CHD6: variants seen among roughly 807,000 people sequenced by gnomAD.
CHD6 encodes the protein chromodomain helicase DNA binding protein 6.
A neutral mutation model predicts 276.9 loss-of-function variants in CHD6; 50 were observed. The observed-to-expected ratio is 0.18, with a 90% CI of 0.14 to 0.23. CHD6 has a LOEUF of 0.23. Among genes scored for constraint, CHD6 ranks in the 10% least tolerant of loss-of-function variants. CHD6 has a pLI of 1.00. For synonymous variants in CHD6, 1,173 were observed against 1,229.3 expected, an observed-to-expected ratio of 0.95 and a Z score of 0.96; for missense variants, 2,564 against 3,365.8, an observed-to-expected ratio of 0.76 and a Z score of 5.89.
chr20:41,614,009 T>C (rs931227226), intron 1 of CHD6, among the ~76,000 whole-genome samples: 26 of 131,122 alleles, frequency 2.0e-4, no homozygotes, highest in African/African-American at 7.0e-4. Context: ...TCTTAGAGTA[T>C]AAAAAAAAAA....
chr20:41,514,670 C>A, intron 4 of CHD6, 135 bp downstream of exon 4: 2 of 944,448 alleles, frequency 2.1e-6, no homozygotes, highest in East Asian at 2.5e-5. Flanking sequence ...CCTGCTCACC[C>A]ACCAAAACGG....
intron 1 of CHD6, among the ~76,000 whole-genome samples, chr20:41,553,038 A>T (rs1443897092): frequency 6.6e-6 from 1 of 152,236 alleles, no homozygotes. Context: ...TTAGAAAAAA[A>T]TTATCTCCTA....
chr20:41,593,376 G>C (rs1048410722), intron 1 of CHD6, among the ~76,000 whole-genome samples: 45 of 152,122 alleles, frequency 3.0e-4, no homozygotes, highest in African/African-American at 1.1e-3. Flanking sequence ...GAACACACAA[G>C]GAGTTAAGCT....
At chr20:41,561,968 GA>G (rs1276526639) in intron 1 of CHD6, among the ~76,000 whole-genome samples, 1 of 152,104 alleles carries the variant, frequency 6.6e-6, no homozygotes, top group Non-Finnish European at 1.5e-5. Flanking sequence ...GAAACTGTCA[GA>G]TTTTTCAGTT....
At chr20:41,433,079 A>T (rs1171559748) in intron 27 of CHD6, among the ~76,000 whole-genome samples, 1 of 151,260 alleles carries the variant, frequency 6.6e-6, no homozygotes, top group Non-Finnish European at 1.5e-5. Context: ...TGTGAATAAC[A>T]GAAAAAAAAA....
At chr20:41,424,597 G>A (rs1354393267) in intron 29 of CHD6, among the ~76,000 whole-genome samples, 1 of 152,172 alleles carries the variant, frequency 6.6e-6, no homozygotes, top group Non-Finnish European at 1.5e-5. Flanking sequence ...AATTCATGGG[G>A]TGTTTCATCA....
At chr20:41,492,913 T>A (rs958959823) in intron 10 of CHD6, among the ~76,000 whole-genome samples, 4 of 152,200 alleles carry the variant, frequency 2.6e-5, no homozygotes, top group African/African-American at 9.6e-5. Flanking sequence ...AGACTCCATC[T>A]CAAAATAAAA....
intron 1 of CHD6, among the ~76,000 whole-genome samples, chr20:41,613,763 G>C (rs1187427950): frequency 6.6e-6 from 1 of 152,210 alleles, no homozygotes; most frequent in Non-Finnish European, 1.5e-5. Flanking sequence ...AGGGGTATGA[G>C]AGGCACAGAT....
At chr20:41,547,756 C>A in intron 2 of CHD6, 1 of 542,792 alleles carries the variant, frequency 1.8e-6, no homozygotes, top group Non-Finnish European at 3.6e-6. Context: ...ATTGTCAACA[C>A]TGCTCGACAG....
intron 1 of CHD6, among the ~76,000 whole-genome samples, chr20:41,591,356 A>G (rs928039607): frequency 7.4e-5 from 11 of 149,432 alleles, no homozygotes; most frequent in Non-Finnish European, 1.3e-4. Context: ...AACTTAAAGT[A>G]TAATTTTACA....
intron 25 of CHD6, 115 bp downstream of exon 25, chr20:41,445,550 G>A (rs2048038749): frequency 1.5e-6 from 1 of 649,986 alleles, no homozygotes. Context: ...TAAGATGAAT[G>A]TGTAACAGAA....
Position 41,498,206 on chromosome 20 carries a change from C to A in CHD6, c.936G>T (p.Pro312=), listed in dbSNP as rs201340806. The A allele has an allele frequency of 3.8e-5, 61 of 1,611,442 alleles. No homozygotes were observed. The South Asian group carries it at 6.4e-4, about 17-fold the overall frequency. Residue 312 remains proline, a synonymous_variant, in exon 7 of 37, where the codon CCG becomes CCT. Coordinates refer to ENST00000373233, the MANE Select transcript of CHD6 (RefSeq NM_032221.5). ...TAACGTAGAACAGCTCCAAGTCGAA[C>A]GGAGGTTCTCCTGGGTGAACCTGTA... ...TVQEVHPGEP[P]FDLELFYVKY...
At chr20:41,553,812 A>G (rs921075063) in intron 1 of CHD6, among the ~76,000 whole-genome samples, 1 of 152,224 alleles carries the variant, frequency 6.6e-6, no homozygotes, top group Non-Finnish European at 1.5e-5. Context: ...ATTTCTAACA[A>G]TATGTCTCAA....
chr20:41,538,627 T>C (rs1430911247), intron 2 of CHD6, among the ~76,000 whole-genome samples: 1 of 152,248 alleles, frequency 6.6e-6, no homozygotes, highest in African/African-American at 2.4e-5. Context: ...GTGGATTTTA[T>C]AGTATGTAAA....
chr20:41,547,669 A>G, intron 2 of CHD6: 1 of 727,020 alleles, frequency 1.4e-6, no homozygotes, highest in Non-Finnish European at 2.3e-6. Flanking sequence ...CTAATCATCA[A>G]AGCCCTCAAG....
At chr20:41,472,377 C>T (rs1159240409) in intron 17 of CHD6, among the ~76,000 whole-genome samples, 1 of 152,136 alleles carries the variant, frequency 6.6e-6, no homozygotes, top group Non-Finnish European at 1.5e-5. Context: ...CCCTAGAGTA[C>T]CTCTTGAATC....
chr20:41,415,463 C>A lies in CHD6; in HGVS notation c.6662G>T (p.Cys2221Phe). ...GGCTCCTGGGGACCCCTCTGATGAG[C>A]AGGAGAGGTCCATAGCTGACTCCCC... Reference protein sequence around the residue: ...WHGESAMDLSCSSEGSPGATS... With the variant: ...WHGESAMDLSFSSEGSPGATS... Residue 2221 changes from cysteine (C) to phenylalanine (F), a missense_variant, in exon 34 of 37, where the codon TGC becomes TTC. Transcript: ENST00000373233. The A allele has an allele frequency of 6.2e-7, 1 of 1,613,048 alleles. No homozygotes were observed. The highest frequency in any genetic ancestry group is 2.2e-5 in the East Asian group (1 of 44,872).
chr20:41,510,692 A>G (rs2044096907), intron 5 of CHD6, among the ~76,000 whole-genome samples: 1 of 152,218 alleles, frequency 6.6e-6, no homozygotes, highest in Non-Finnish European at 1.5e-5. Flanking sequence ...TTCAGGTGCC[A>G]GGGGAGAAGT....
At chr20:41,594,687 TA>T (rs1393403595) in intron 1 of CHD6, among the ~76,000 whole-genome samples, 7 of 152,224 alleles carry the variant, frequency 4.6e-5, no homozygotes, top group African/African-American at 7.2e-5. Flanking sequence ...TTTCTCTGCT[TA>T]ATCTATAACT....
Sources: allele counts gnomAD v4.1 joint callset (sites outside exome capture counted in the v4.1 genomes callset), GRCh38; gene constraint gnomAD v4.1.1; transcripts MANE v1.5; gene names NCBI Gene and HGNC (gene_info 2026-07-23, HGNC 2026-07-21).